Variants in CLASP2 observed in about 807,000 individuals in gnomAD.
CLASP2 encodes the protein cytoplasmic linker associated protein 2.
In CLASP2, 47 loss-of-function variants were observed where a neutral mutation model predicts 194.4. The ratio of observed to expected loss-of-function variants is 0.24; its 90% CI spans 0.19 to 0.31. CLASP2 has a LOEUF of 0.31. CLASP2 is among the 10% of genes least tolerant of loss of function. CLASP2 has a pLI of 1.00. For synonymous variants in CLASP2, 619 were observed against 633.5 expected (o/e 0.98, Z 0.34); for missense variants, 1,445 against 1,823.6 (o/e 0.79, Z 3.78).
intron 34 of CLASP2, among the ~76,000 whole-genome samples, chr3:33,527,911 C>T (rs1371414595): frequency 6.6e-6 from 1 of 152,008 alleles, no homozygotes; most frequent in Non-Finnish European, 1.5e-5. Flanking sequence ...TGCAGAGAGC[C>T]GAGATCATGC....
intron 3 of CLASP2, 46 bp downstream of exon 3, chr3:33,689,783 C>T (rs878937934): frequency 8.2e-6 from 11 of 1,341,188 alleles, no homozygotes; most frequent in Middle Eastern, 1.8e-4. Flanking sequence ...TAATGATTTC[C>T]TGTGATTACC....
At chr3:33,547,169 C>T (rs1431565399) in intron 30 of CLASP2, among the ~76,000 whole-genome samples, 1 of 152,134 alleles carries the variant, frequency 6.6e-6, no homozygotes, top group Non-Finnish European at 1.5e-5. Context: ...AATTATACTC[C>T]CATAATTCCC....
At chr3:33,691,429 T>TC (rs1400852218) in intron 2 of CLASP2, among the ~76,000 whole-genome samples, 1 of 152,126 alleles carries the variant, frequency 6.6e-6, no homozygotes. Flanking sequence ...GAAATTACAT[T>TC]CTTTTTGGGA....
intron 37 of CLASP2, among the ~76,000 whole-genome samples, chr3:33,508,502 T>C (rs995052740): frequency 1.1e-4 from 16 of 151,492 alleles, no homozygotes; most frequent in African/African-American, 3.9e-4. Context: ...CTAACTTTTG[T>C]ATTTTTAGTA....
At chr3:33,592,102 G>A in intron 21 of CLASP2, 1 of 642,348 alleles carries the variant, frequency 1.6e-6, no homozygotes, top group South Asian at 1.7e-5. Context: ...TTCTTTGTAA[G>A]TGGCAGATAT....
At chr3:33,524,673 A>G (rs1048676443) in intron 34 of CLASP2, among the ~76,000 whole-genome samples, 37 of 151,922 alleles carry the variant, frequency 2.4e-4, no homozygotes, top group African/African-American at 8.7e-4. Flanking sequence ...AAGAAAAATA[A>G]TAATAATCAG....
intron 7 of CLASP2, among the ~76,000 whole-genome samples, chr3:33,654,659 C>T (rs1319856369): frequency 6.6e-6 from 1 of 151,920 alleles, no homozygotes; most frequent in African/African-American, 2.4e-5. Flanking sequence ...TTTAAAACAT[C>T]TTCAATTTAA....
In CLASP2 at chr3:33,607,881, G is replaced by A. The variant is rs140800908; in HGVS notation, c.1449-420C>T. On this transcript the variant is annotated intron_variant, in intron 14 of 38. Coordinates refer to ENST00000682230, the MANE Select transcript of CLASP2 (RefSeq NM_001365631.1). ...TGAATAGTAGCTGCCACAGAAGAAC[G>A]CAAAGAAAACTTGAAATTATATTAT... Among the ~76,000 whole-genome samples the A allele has an allele frequency of 2.8e-3, 433 of 152,206 alleles. 1 individual carries two copies. The highest frequency in any genetic ancestry group is 5.1e-3 in the Non-Finnish European group (349 of 68,004).
chr3:33,657,923 C>T (rs763256486), intron 7 of CLASP2, among the ~76,000 whole-genome samples: 61 of 152,056 alleles, frequency 4.0e-4, no homozygotes, highest in Non-Finnish European at 7.6e-4. Context: ...CAAAGGAAGG[C>T]TGAAACTGTT....
chr3:33,695,092 G>GTTT (rs1293608072), intron 2 of CLASP2, among the ~76,000 whole-genome samples: 1 of 150,558 alleles, frequency 6.6e-6, no homozygotes, highest in Non-Finnish European at 1.5e-5. Context: ...AGAGATAGAG[G>GTTT]TTTACTCTGT....
chr3:33,592,244 A>C, intron 21 of CLASP2, 151 bp downstream of exon 21: 1 of 716,912 alleles, frequency 1.4e-6, no homozygotes, highest in Non-Finnish European at 2.5e-6. Flanking sequence ...ATGAACCTAA[A>C]GTACAGAACA....
At chr3:33,669,026 TAAAG>T (rs911447249) in intron 6 of CLASP2, among the ~76,000 whole-genome samples, 3 of 152,276 alleles carry the variant, frequency 2.0e-5, no homozygotes, top group African/African-American at 7.2e-5. Context: ...GAAAATCAAA[TAAAG>T]AGTTTCCTCT....
At chr3:33,653,192 T>C (rs2083514246) in intron 7 of CLASP2, among the ~76,000 whole-genome samples, 1 of 152,186 alleles carries the variant, frequency 6.6e-6, no homozygotes, top group Non-Finnish European at 1.5e-5. Context: ...AATCAGACAG[T>C]GTATGCCTTC....
At chr3:33,681,241 C>G (rs2089805003) in intron 6 of CLASP2, among the ~76,000 whole-genome samples, 2 of 152,010 alleles carry the variant, frequency 1.3e-5, no homozygotes, top group Admixed American at 6.5e-5. Context: ...TTCTTTCATC[C>G]ATAAAATGAT....
intron 6 of CLASP2, among the ~76,000 whole-genome samples, chr3:33,671,416 G>C (rs2087169999): frequency 6.6e-6 from 1 of 152,170 alleles, no homozygotes; most frequent in Non-Finnish European, 1.5e-5. Flanking sequence ...AGATATGTTG[G>C]AATTACCAGA....
chr3:33,712,192 A>G (rs1026906333), intron 1 of CLASP2, among the ~76,000 whole-genome samples: 20 of 152,214 alleles, frequency 1.3e-4, no homozygotes, highest in African/African-American at 4.8e-4. Context: ...CACAAAAAGG[A>G]ACAAAATAAT....
intron 12 of CLASP2, among the ~76,000 whole-genome samples, chr3:33,614,113 TAAAC>T (rs944586508): frequency 7.9e-5 from 12 of 152,148 alleles, no homozygotes; most frequent in South Asian, 2.1e-4. Flanking sequence ...TCTTAGGAAA[TAAAC>T]AAAGCAAAGA....
intron 12 of CLASP2, among the ~76,000 whole-genome samples, chr3:33,618,300 A>T (rs1016589674): frequency 2.0e-5 from 3 of 152,170 alleles, no homozygotes; most frequent in African/African-American, 7.2e-5. Context: ...TTTAGACATT[A>T]AAAAGAATTA....
intron 5 of CLASP2, 133 bp from the exon 6 acceptor site, chr3:33,684,589 G>C (rs1164338595): frequency 2.2e-6 from 1 of 452,962 alleles, no homozygotes; most frequent in African/African-American, 2.0e-5. Flanking sequence ...TATATGGCTT[G>C]TCATCAGTAA....
Sources: allele counts gnomAD v4.1 joint callset (sites outside exome capture counted in the v4.1 genomes callset), GRCh38; gene constraint gnomAD v4.1.1; transcripts MANE v1.5; gene names NCBI Gene and HGNC (gene_info 2026-07-23, HGNC 2026-07-21).